Variants in MYH11 observed in about 807,000 individuals in gnomAD.
The protein encoded by MYH11 is myosin heavy chain 11.
MYH11 carries 80 observed loss-of-function variants against 246.6 expected under a neutral mutation model. That is an observed-to-expected ratio of 0.32 (90% CI 0.27 to 0.39). The LOEUF (loss-of-function observed/expected upper bound fraction) is 0.39, where lower values mean the gene tolerates loss of function less well. Ranked by LOEUF, MYH11 falls within the 10% of genes least tolerant of loss-of-function variation. The pLI, the probability that MYH11 is intolerant of heterozygous loss-of-function variation, is 1.00. For synonymous variants in MYH11, 1,071 were observed against 1,015.5 expected, an observed-to-expected ratio of 1.05 and a Z score of -1.04; for missense variants, 2,158 against 2,546.8, an observed-to-expected ratio of 0.85 and a Z score of 3.29.
At chr16:15,811,941 C>A (rs191751399) in intron 3 of MYH11, among the ~76,000 whole-genome samples, 1 of 152,126 alleles carries the variant, frequency 6.6e-6, no homozygotes, top group African/African-American at 2.4e-5. Flanking sequence ...TGCTTTCCTG[C>A]CCCTCCTACA....
At chr16:15,808,857 C>T (rs889242685) in intron 3 of MYH11, among the ~76,000 whole-genome samples, 3 of 152,188 alleles carry the variant, frequency 2.0e-5, no homozygotes, top group East Asian at 1.9e-4. Flanking sequence ...TGTGCCACTG[C>T]GCTCTAGCTT....
Position 15,732,561 on chromosome 16 carries a change from T to G in MYH11, c.3651+3A>C, listed in dbSNP as rs113002169. 6.2e-7 allele frequency: 1 copy of G among 1,614,054 alleles called. No individual in the cohort carries two copies. The highest frequency in any genetic ancestry group is 8.5e-7 in the Non-Finnish European group (1 of 1,180,054). On this transcript the variant is annotated splice_donor_region_variant and intron_variant, in intron 27 of 40. Coordinates refer to ENST00000300036, the MANE Select transcript of MYH11 (RefSeq NM_002474.3). ...ACCAAAAAGCATCACCAAAAAGCATTACCCTCTTGAACTGCTCAAGCTGCT... is the reference window on the plus strand; with the variant it reads ...ACCAAAAAGCATCACCAAAAAGCATGACCCTCTTGAACTGCTCAAGCTGCT...
intron 32 of MYH11, 90 bp downstream of exon 32, chr16:15,721,332 G>C: frequency 1.4e-6 from 2 of 1,420,272 alleles, no homozygotes; most frequent in Non-Finnish European, 2.0e-6. Context: ...CTATGAAAAA[G>C]GCCAGGAGCT....
intron 40 of MYH11, among the ~76,000 whole-genome samples, chr16:15,706,210 C>G (rs2039445410): frequency 6.6e-6 from 1 of 152,156 alleles, no homozygotes; most frequent in South Asian, 2.1e-4. Context: ...AGAGAAGCTT[C>G]TGGACTTGCA....
At chr16:15,735,080 G>A (rs1240872601) in intron 26 of MYH11, among the ~76,000 whole-genome samples, 2 of 151,524 alleles carry the variant, frequency 1.3e-5, no homozygotes, top group Non-Finnish European at 2.9e-5. Context: ...TCAGGAGGCT[G>A]AGGCATGAGA....
Position 15,703,798 on chromosome 16 carries a change from G to T in MYH11, c.*193C>A. On this transcript the variant is annotated 3_prime_UTR_variant, in exon 41 of 41. Coordinates refer to ENST00000300036, the MANE Select transcript of MYH11 (RefSeq NM_002474.3). The stretch of plus-strand genomic sequence containing the variant: ...AGATGAGGTTTTACTACGTTGCCCA[G>T]GCTGGAGGGTGGTGGTTTTTATATT... 1.3e-6 allele frequency: 1 copy of T among 747,782 alleles called. No homozygotes were observed. The highest frequency in any genetic ancestry group is 2.7e-5 in the East Asian group (1 of 36,626). 46.3% of individuals were successfully genotyped at this position (747,782 alleles called of 1,614,324 possible). A position where few individuals can be genotyped will look rare whatever the true frequency, so the allele number is the denominator to read the frequency against.
chr16:15,832,474 C>T lies in MYH11; in HGVS notation c.345+5434G>A, dbSNP rs186087595. On this transcript the variant is annotated intron_variant, in intron 2 of 40. Coordinates refer to ENST00000300036, the MANE Select transcript of MYH11 (RefSeq NM_002474.3). Reference sequence around the variant, plus strand: ...AGACGACAGGGAGTGGTGAGGTCTGCGGAAAAGCAGAGCAAAAAGCCCATC... The same window carrying T: ...AGACGACAGGGAGTGGTGAGGTCTGTGGAAAAGCAGAGCAAAAAGCCCATC... 1.2e-3 allele frequency among the ~76,000 whole-genome samples: 188 copies of T among 152,250 alleles called. 3 individuals carry two copies. The highest frequency in any genetic ancestry group is 1.7e-3 in the Non-Finnish European group (114 of 68,020).
At chr16:15,791,255 C>T (rs2042602451) in intron 4 of MYH11, 1 of 152,160 alleles carries the variant, frequency 6.6e-6, no homozygotes, top group African/African-American at 2.4e-5. Flanking sequence ...TGCACTCAGC[C>T]AGCATTTTCA....
In MYH11 at chr16:15,726,833, G is replaced by A. The variant is rs373339558; in HGVS notation, c.3858+15C>T. 1.2e-5 allele frequency: 19 copies of A among 1,610,790 alleles called. No individual in the cohort carries two copies. The African/African-American group carries it at 1.2e-4, about 10-fold the overall frequency. On this transcript the variant is annotated intron_variant, in intron 28 of 40. Coordinates refer to ENST00000300036, the MANE Select transcript of MYH11 (RefSeq NM_002474.3). ...ACCCAGCACTGCCCACCACACCACC[G>A]CGCCACCTCCTCACCTGCAGCTTGT...
chr16:15,724,499 G>C (rs1472216886), intron 30 of MYH11, 90 bp from the exon 31 acceptor site: 180 of 1,608,104 alleles, frequency 1.1e-4, no homozygotes, highest in Non-Finnish European at 1.4e-4. Flanking sequence ...CGAAGACCAT[G>C]TCTCCTCGTT....
At chr16:15,727,866 A>C (rs772331850) in intron 27 of MYH11, among the ~76,000 whole-genome samples, 4 of 152,128 alleles carry the variant, frequency 2.6e-5, no homozygotes, top group African/African-American at 4.8e-5. Flanking sequence ...CCAGCTACTC[A>C]GGAGGCGGAT....
At chr16:15,753,582 C>G in intron 14 of MYH11, 74 bp from the exon 15 acceptor site, 2 of 1,112,032 alleles carry the variant, frequency 1.8e-6, no homozygotes, top group Non-Finnish European at 2.8e-6. Flanking sequence ...GACCCCAGCC[C>G]TCCCATTGTC....
intron 38 of MYH11, among the ~76,000 whole-genome samples, chr16:15,716,208 T>G (rs1042320017): frequency 2.0e-5 from 3 of 152,006 alleles, no homozygotes; most frequent in Admixed American, 2.0e-4. Flanking sequence ...GCCGGGATTA[T>G]GGGCATGAAA....
chr16:15,835,080 CAAA>C (rs111629749), intron 2 of MYH11, among the ~76,000 whole-genome samples: 21 of 125,196 alleles, frequency 1.7e-4, no homozygotes, highest in Non-Finnish European at 2.0e-4. Flanking sequence ...GCCCCCATCT[CAAA>C]AAAAAAAAAA....
chr16:15,725,163 A>T, intron 28 of MYH11, 171 bp from the exon 29 acceptor site: 1 of 638,734 alleles, frequency 1.6e-6, no homozygotes. Context: ...ACACACACAC[A>T]AAAAAAACAG....
intron 32 of MYH11, 85 bp from the exon 33 acceptor site, chr16:15,721,136 A>T: frequency 6.8e-7 from 1 of 1,460,412 alleles, no homozygotes; most frequent in Non-Finnish European, 9.5e-7. Flanking sequence ...GCACCTCAGG[A>T]GATCAGGGAG....
intron 4 of MYH11, among the ~76,000 whole-genome samples, chr16:15,787,789 T>A (rs2042506512): frequency 6.6e-6 from 1 of 152,106 alleles, no homozygotes; most frequent in Non-Finnish European, 1.5e-5. Flanking sequence ...AGGATGTAAG[T>A]GCCTCTGGAG....
chr16:15,716,072 G>C (rs1237355795), intron 38 of MYH11, among the ~76,000 whole-genome samples: 1 of 152,104 alleles, frequency 6.6e-6, no homozygotes, highest in Non-Finnish European at 1.5e-5. Flanking sequence ...CTGCACACCA[G>C]CCTGGGAAAC....
chr16:15,721,702 C>G (rs968946577), intron 31 of MYH11, 68 bp from the exon 32 acceptor site: 3 of 1,530,926 alleles, frequency 2.0e-6, no homozygotes, highest in African/African-American at 2.7e-5. Flanking sequence ...TTGTAAATAC[C>G]GGGGGAAGCC....
Sources: gnomAD v4.1 joint callset for allele counts (sites outside exome capture counted in the v4.1 genomes callset) on GRCh38, gnomAD v4.1.1 for gene constraint, MANE v1.5 for transcripts, NCBI Gene and HGNC (gene_info 2026-07-23, HGNC 2026-07-21) for gene names.